The following RNF180 variants were observed in gnomAD, a reference collection of about 807,000 sequenced individuals.
RNF180 encodes the protein ring finger protein 180, also known as E3 ubiquitin-protein ligase RNF180.
RNF180 carries 38 observed loss-of-function variants against 59.2 expected under a neutral mutation model. The observed-to-expected ratio is 0.64, with a 90% confidence interval of 0.50 to 0.84. The LOEUF (loss-of-function observed/expected upper bound fraction) is 0.84. Ranked by LOEUF, RNF180 falls within the 40% of genes least tolerant of loss-of-function variation. The probability of loss-of-function intolerance (pLI) is 0.00; values close to 1 mark genes in which losing one functional copy is unlikely to be tolerated. For synonymous variants in RNF180, 262 were observed against 240.3 expected (o/e 1.09, Z -0.84); for missense variants, 705 against 700.9 (o/e 1.01, Z -0.07).
chr5:64,282,730 A>G (rs547790619), intron 5 of RNF180, among the ~76,000 whole-genome samples: 2 of 152,248 alleles, frequency 1.3e-5, no homozygotes, highest in Admixed American at 6.5e-5. Flanking sequence ...GGTATGTTAT[A>G]TCTTTATCCT....
chr5:64,222,805 A>G (rs918614557), intron 5 of RNF180, among the ~76,000 whole-genome samples: 119 of 152,340 alleles, frequency 7.8e-4, no homozygotes, highest in African/African-American at 2.8e-3. Context: ...GAAGACAAAT[A>G]TGCTATGTTA....
chr5:64,235,384 G>A, intron 5 of RNF180, among the ~76,000 whole-genome samples: 1 of 151,886 alleles, frequency 6.6e-6, no homozygotes, highest in East Asian at 1.9e-4. Context: ...ACATATCAAA[G>A]ATTTACAAAG....
intron 7 of RNF180, among the ~76,000 whole-genome samples, chr5:64,358,094 C>G (rs1428016218): frequency 6.6e-6 from 1 of 151,804 alleles, no homozygotes; most frequent in Non-Finnish European, 1.5e-5. Context: ...TCATTGTTTT[C>G]AGTAAGAATT....
chr5:64,225,112 C>T (rs1227944204), intron 5 of RNF180, among the ~76,000 whole-genome samples: 1 of 152,236 alleles, frequency 6.6e-6, no homozygotes, highest in Non-Finnish European at 1.5e-5. Context: ...GGGAAAAAAT[C>T]AGAATCATCA....
At chr5:64,245,526 A>G (rs769557525) in intron 5 of RNF180, among the ~76,000 whole-genome samples, 1 of 152,224 alleles carries the variant, frequency 6.6e-6, no homozygotes, top group Non-Finnish European at 1.5e-5. Context: ...AAAGAAGGGC[A>G]TTACATAATT....
intron 1 of RNF180, among the ~76,000 whole-genome samples, chr5:64,199,152 A>G (rs1751603008): frequency 6.6e-6 from 1 of 152,180 alleles, no homozygotes; most frequent in African/African-American, 2.4e-5. Flanking sequence ...TTGAGGTCAT[A>G]GTTAAAATGG....
At chr5:64,293,240 C>T (rs1170245793) in intron 5 of RNF180, among the ~76,000 whole-genome samples, 2 of 152,204 alleles carry the variant, frequency 1.3e-5, no homozygotes, top group African/African-American at 4.8e-5. Context: ...CTGTGTTGCT[C>T]CTGCTCCTGG....
intron 5 of RNF180, among the ~76,000 whole-genome samples, chr5:64,274,871 C>A (rs1741628795): frequency 6.6e-6 from 1 of 152,018 alleles, no homozygotes; most frequent in Non-Finnish European, 1.5e-5. Context: ...GCATTTTAAT[C>A]TAATTAGCAC....
rs1332174042 is a variant in RNF180 at position 64,212,033 on chromosome 5, A to G, written c.136-32A>G. The G allele has an allele frequency of 4.2e-6, 5 of 1,177,802 alleles. No homozygotes were observed. In the Admixed American group the frequency reaches 5.4e-5, roughly 13 times the overall value. The allele number at this position is 1,177,802 out of a possible 1,614,324, so 73.0% of individuals were successfully genotyped here. A position where few individuals can be genotyped will look rare whatever the true frequency, so the allele number is the denominator to read the frequency against. ...CCTGTGAAATAAATTCTGAACTGGT[A>G]ATTAGTAATATCATTTATTTTTATT... On this transcript the variant is annotated intron_variant, in intron 2 of 7. Transcript: ENST00000389100.
intron 5 of RNF180, among the ~76,000 whole-genome samples, chr5:64,219,330 G>C (rs190916838): frequency 6.6e-6 from 1 of 151,956 alleles, no homozygotes; most frequent in African/African-American, 2.4e-5. Context: ...ATATTATTAT[G>C]TGTATTACTA....
At chr5:64,333,108 G>T (rs1305898786) in intron 7 of RNF180, among the ~76,000 whole-genome samples, 1 of 151,228 alleles carries the variant, frequency 6.6e-6, no homozygotes, top group Non-Finnish European at 1.5e-5. Context: ...ACTTTATAAA[G>T]TGGTCAGTAA....
At chr5:64,174,578 T>C (rs1295919135) in intron 1 of RNF180, among the ~76,000 whole-genome samples, 1 of 152,182 alleles carries the variant, frequency 6.6e-6, no homozygotes, top group African/African-American at 2.4e-5. Context: ...TCGTTGAGCA[T>C]TTTATCATAT....
chr5:64,268,714 G>A (rs1744831675), intron 5 of RNF180, among the ~76,000 whole-genome samples: 1 of 152,136 alleles, frequency 6.6e-6, no homozygotes, highest in South Asian at 2.1e-4. Flanking sequence ...TTTAATCTCT[G>A]TTGTTGCTCA....
At chr5:64,351,569 A>G (rs1397289015) in intron 7 of RNF180, among the ~76,000 whole-genome samples, 1 of 151,924 alleles carries the variant, frequency 6.6e-6, no homozygotes, top group African/African-American at 2.4e-5. Context: ...TTATTTTGAG[A>G]TACATCCCAT....
rs140685792 is a variant in RNF180 at position 64,304,763 on chromosome 5, G to A, written c.1228-20423G>A. ...ATGTTCCATAAACTTAATTGATAAA[G>A]CAGCAGCAGGATTTAAGAGGATTGA... On this transcript the variant is annotated intron_variant, in intron 5 of 7. Coordinates refer to ENST00000389100, the MANE Select transcript of RNF180 (RefSeq NM_001113561.2). 9.9e-5 allele frequency among the ~76,000 whole-genome samples: 15 copies of A among 151,790 alleles called. No homozygotes were observed. The East Asian group carries it at 2.7e-3, about 28-fold the overall frequency.
At chr5:64,267,482 C>T (rs1463160146) in intron 5 of RNF180, among the ~76,000 whole-genome samples, 2 of 151,968 alleles carry the variant, frequency 1.3e-5, no homozygotes, top group African/African-American at 4.8e-5. Context: ...AGGTATATCT[C>T]CCAATGCTAT....
In RNF180 at chr5:64,189,502, G is replaced by A. The variant is rs565605701; in HGVS notation, c.1-11306G>A. Among the ~76,000 whole-genome samples the A allele has an allele frequency of 5.3e-5, 8 of 152,222 alleles. No individual in the cohort carries two copies. The South Asian group carries it at 1.7e-3, about 32-fold the overall frequency. Reference sequence around the variant, plus strand: ...AAGAAAAAAAGAAAAGAAAAACCTTGGCTGAATTGTATTCTAGTGCTTTGT... The same window carrying A: ...AAGAAAAAAAGAAAAGAAAAACCTTAGCTGAATTGTATTCTAGTGCTTTGT... On this transcript the variant is annotated intron_variant, in intron 1 of 7. Transcript: ENST00000389100.
intron 5 of RNF180, among the ~76,000 whole-genome samples, chr5:64,282,095 A>AT (rs1324258203): frequency 1.3e-5 from 2 of 151,472 alleles, no homozygotes; most frequent in Non-Finnish European, 3.0e-5. Flanking sequence ...CTCCTCCTCA[A>AT]TTTTTTGGAA....
At chr5:64,365,475 G>C (rs1253469761) in intron 7 of RNF180, among the ~76,000 whole-genome samples, 1 of 151,650 alleles carries the variant, frequency 6.6e-6, no homozygotes, top group African/African-American at 2.4e-5. Context: ...TGTATATTCT[G>C]TTGTTTGGGG....
Sources: allele counts gnomAD v4.1 joint callset (sites outside exome capture counted in the v4.1 genomes callset), GRCh38; gene constraint gnomAD v4.1.1; transcripts MANE v1.5; gene names NCBI Gene and HGNC (gene_info 2026-07-23, HGNC 2026-07-21).